The following PTPRD variants were observed in gnomAD, a reference collection of about 807,000 sequenced individuals.
PTPRD encodes the protein receptor-type tyrosine-protein phosphatase delta.
Under a neutral mutation model 214.5 loss-of-function variants are expected in PTPRD, and 34 were observed. The observed-to-expected ratio is 0.16, with a 90% confidence interval of 0.12 to 0.21. The LOEUF is 0.21. PTPRD is among the 10% of genes least tolerant of loss of function. PTPRD has a pLI of 1.00. For missense variants in PTPRD, 2,545 were observed against 2,398.7 expected (o/e 1.06, Z -1.27); for synonymous variants, 1,128 against 845.7 (o/e 1.33, Z -5.79).
intron 20 of PTPRD, 103 bp from the exon 21 acceptor site, chr9:8,518,532 G>A (rs1253694436): frequency 2.4e-6 from 2 of 823,818 alleles, no homozygotes; most frequent in African/African-American, 1.7e-5. Flanking sequence ...TGTATCTACT[G>A]AAGATTTAAT....
At chr9:8,740,115 A>G (rs768741412) in intron 11 of PTPRD, among the ~76,000 whole-genome samples, 15 of 152,148 alleles carry the variant, frequency 9.9e-5, no homozygotes, top group Non-Finnish European at 1.8e-4. Flanking sequence ...TATTTCATAG[A>G]ATGTAAAGGG....
At position 8,880,445 on chromosome 9, in the gene PTPRD, A is replaced by G. The variant is rs185743506; in HGVS notation, c.-104+138252T>C. On this transcript the variant is annotated intron_variant, in intron 11 of 45. Coordinates refer to ENST00000381196, the MANE Select transcript of PTPRD (RefSeq NM_002839.4). ...CACGAAGATGATGATGAAGCACAGC[A>G]TACGATCAACTCCTCCTTACTGATT... Among the ~76,000 whole-genome samples, 439 of 152,288 alleles carry G rather than the reference A, an allele frequency of 2.9e-3. 2 individuals carry two copies. Among genetic ancestry groups the G allele is most frequent in the Middle Eastern group, 6.8e-3 (2 of 294 alleles).
At position 9,022,968 on chromosome 9, in the gene PTPRD, C is replaced by A. The variant is rs116467267; in HGVS notation, c.-142-4233G>T. 8.8e-3 allele frequency among the ~76,000 whole-genome samples: 1,346 copies of A among 152,198 alleles called. 25 individuals are homozygous for A. The highest frequency in any genetic ancestry group is 0.031 in the African/African-American group (1,287 of 41,530). ...GGTATTTTTCAAAGTAATGTTCAGC[C>A]TGAGAATAAACCATGGTAGATTTGG... is the stretch of plus-strand genomic sequence containing the variant. On this transcript the variant is annotated intron_variant, in intron 10 of 45. Transcript: ENST00000381196.
At chr9:9,889,534 C>A (rs931132791) in intron 5 of PTPRD, among the ~76,000 whole-genome samples, 1 of 152,078 alleles carries the variant, frequency 6.6e-6, no homozygotes, top group African/African-American at 2.4e-5. Flanking sequence ...CAGAGAACAC[C>A]AAGCCTCTAA....
intron 7 of PTPRD, among the ~76,000 whole-genome samples, chr9:9,657,903 A>T (rs1479786750): frequency 6.6e-6 from 1 of 152,148 alleles, no homozygotes; most frequent in Non-Finnish European, 1.5e-5. Flanking sequence ...TTTCCCCCCG[A>T]CCTAAAGAGA....
At chr9:10,358,021 T>C in intron 2 of PTPRD, among the ~76,000 whole-genome samples, 1 of 152,322 alleles carries the variant, frequency 6.6e-6, no homozygotes, top group East Asian at 1.9e-4. Context: ...CACTAACTAC[T>C]GTGCTCAATA....
chr9:10,361,060 C>T (rs972594471), intron 2 of PTPRD, among the ~76,000 whole-genome samples: 18 of 152,104 alleles, frequency 1.2e-4, no homozygotes, highest in African/African-American at 4.3e-4. Context: ...CGAGATGGAG[C>T]CACTGCACTC....
intron 4 of PTPRD, among the ~76,000 whole-genome samples, chr9:9,995,489 C>T (rs888063887): frequency 3.9e-5 from 6 of 152,152 alleles, no homozygotes; most frequent in Non-Finnish European, 8.8e-5. Context: ...ATATGTGCTA[C>T]TTTTACTTGC....
chr9:9,326,837 A>C (rs2040158183), intron 9 of PTPRD, among the ~76,000 whole-genome samples: 1 of 152,182 alleles, frequency 6.6e-6, no homozygotes, highest in Non-Finnish European at 1.5e-5. Flanking sequence ...AAAAACTTTT[A>C]AAGCTATCTG....
intron 9 of PTPRD, among the ~76,000 whole-genome samples, chr9:9,386,800 G>C (rs1352149825): frequency 6.6e-6 from 1 of 152,046 alleles, no homozygotes; most frequent in East Asian, 1.9e-4. Flanking sequence ...ATAGTTTATA[G>C]GTCTGAGGCT....
intron 5 of PTPRD, among the ~76,000 whole-genome samples, chr9:9,862,023 A>T (rs2153692636): frequency 1.3e-5 from 2 of 152,318 alleles, no homozygotes; most frequent in South Asian, 4.1e-4. Context: ...ATGTTAAAGA[A>T]ATTCACTGAT....
chr9:8,315,264 G>A lies in PTPRD; in HGVS notation c.*2610C>T, dbSNP rs1039931319. On this transcript the variant is annotated 3_prime_UTR_variant, in exon 46 of 46. Coordinates refer to ENST00000381196, the MANE Select transcript of PTPRD (RefSeq NM_002839.4). ...TCCCGCAATAGTCTCCGCCTCGTTC[G>A]TCTATGGTATGCATCCCATTCATTT... 6.5e-5 allele frequency: 15 copies of A among 232,454 alleles called. No homozygotes were observed. Among genetic ancestry groups the A allele is most frequent in the Non-Finnish European group, 1.1e-4 (13 of 117,414 alleles). The allele number at this position is 232,454 out of a possible 1,614,324, so 14.4% of individuals were successfully genotyped here.
At chr9:9,687,831 A>G (rs1412267030) in intron 7 of PTPRD, among the ~76,000 whole-genome samples, 1 of 151,780 alleles carries the variant, frequency 6.6e-6, no homozygotes, top group Non-Finnish European at 1.5e-5. Flanking sequence ...ACACACAGAT[A>G]CATTATTATG....
intron 9 of PTPRD, among the ~76,000 whole-genome samples, chr9:9,336,983 A>C (rs1415361814): frequency 1.3e-5 from 2 of 152,128 alleles, no homozygotes; most frequent in African/African-American, 4.8e-5. Flanking sequence ...ATAGTTCTTT[A>C]AGGGAAGACC....
At chr9:10,256,146 A>G (rs905781374) in intron 3 of PTPRD, among the ~76,000 whole-genome samples, 6 of 152,208 alleles carry the variant, frequency 3.9e-5, no homozygotes, top group African/African-American at 1.4e-4. Flanking sequence ...CCTGAAACCA[A>G]CCCACCCTCT....
At chr9:10,401,654 T>C (rs905226928) in intron 2 of PTPRD, among the ~76,000 whole-genome samples, 7 of 148,514 alleles carry the variant, frequency 4.7e-5, no homozygotes, top group African/African-American at 1.5e-4. Context: ...ATACTATAGA[T>C]ATACTGTTAT....
At chr9:10,037,620 C>T (rs1342835008) in intron 3 of PTPRD, among the ~76,000 whole-genome samples, 1 of 146,466 alleles carries the variant, frequency 6.8e-6, no homozygotes, top group Non-Finnish European at 1.5e-5. Flanking sequence ...CAGAAACTGA[C>T]ACATTCACTT....
intron 8 of PTPRD, among the ~76,000 whole-genome samples, chr9:9,494,160 C>T (rs2096061715): frequency 1.3e-5 from 2 of 152,060 alleles, no homozygotes; most frequent in South Asian, 4.2e-4. Context: ...TGAGGAGTTG[C>T]TTCTTATAAG....
intron 3 of PTPRD, among the ~76,000 whole-genome samples, chr9:10,051,600 C>T (rs1452471940): frequency 1.3e-5 from 2 of 151,512 alleles, no homozygotes; most frequent in Non-Finnish European, 2.9e-5. Flanking sequence ...TCCCTCCCCA[C>T]TCCCCCCACC....
Sources: gnomAD v4.1 joint callset for allele counts (sites outside exome capture counted in the v4.1 genomes callset) on GRCh38, gnomAD v4.1.1 for gene constraint, MANE v1.5 for transcripts, NCBI Gene and HGNC (gene_info 2026-07-23, HGNC 2026-07-21) for gene names.